Variants in DENND5B observed in about 807,000 individuals in gnomAD.
DENND5B encodes the protein DENN domain containing 5B, also known as DENN domain-containing protein 5B.
DENND5B carries 34 observed loss-of-function variants against 140.6 expected under a neutral mutation model. That is an observed-to-expected ratio of 0.24 (90% CI 0.18 to 0.32). The LOEUF is 0.32. Among genes scored for constraint, DENND5B ranks in the 10% least tolerant of loss-of-function variants. DENND5B has a pLI of 1.00. For missense variants in DENND5B, 1,142 were observed against 1,560.2 expected (o/e 0.73, Z 4.52); for synonymous variants, 551 against 562.1 (o/e 0.98, Z 0.28).
At chr12:31,510,813 C>G (rs1947381699) in intron 1 of DENND5B, among the ~76,000 whole-genome samples, 1 of 152,192 alleles carries the variant, frequency 6.6e-6, no homozygotes, top group Non-Finnish European at 1.5e-5. Flanking sequence ...AATTCCTTAA[C>G]AGCAGAACCT....
intron 1 of DENND5B, among the ~76,000 whole-genome samples, chr12:31,538,982 A>G (rs1278469981): frequency 6.6e-6 from 1 of 151,918 alleles, no homozygotes; most frequent in African/African-American, 2.4e-5. Context: ...GAAAAAAAAA[A>G]TTGACAAACT....
intron 2 of DENND5B, among the ~76,000 whole-genome samples, chr12:31,489,272 T>TCTCC (rs1359132881): frequency 6.6e-6 from 1 of 152,044 alleles, no homozygotes; most frequent in African/African-American, 2.4e-5. Flanking sequence ...TCTCAGAATG[T>TCTCC]CTCCCTCCCT....
At chr12:31,401,837 G>T (rs980323412) in intron 15 of DENND5B, among the ~76,000 whole-genome samples, 8 of 152,016 alleles carry the variant, frequency 5.3e-5, no homozygotes, top group Non-Finnish European at 1.2e-4. Context: ...GCCCAGGCTG[G>T]TCGTCTCAAA....
At position 31,442,260 on chromosome 12, in the gene DENND5B, T is replaced by C. The variant is rs74698695; in HGVS notation, c.2012+515A>G. ...GACAGGCTGTTGCTAAACTCTCTTA[T>C]GTTCTCCTAAAAGCTGGAAAAGGCA... On this transcript the variant is annotated intron_variant, in intron 7 of 20. Coordinates refer to ENST00000389082, the MANE Select transcript of DENND5B (RefSeq NM_144973.4). 3.3e-5 allele frequency among the ~76,000 whole-genome samples: 5 copies of C among 152,340 alleles called. No homozygotes were observed. In the East Asian group the frequency reaches 7.7e-4, roughly 24 times the overall value.
intron 3 of DENND5B, among the ~76,000 whole-genome samples, chr12:31,464,907 T>G (rs574864212): frequency 7.9e-5 from 12 of 152,326 alleles, no homozygotes; most frequent in African/African-American, 2.9e-4. Context: ...ATTCAACATA[T>G]GACCTACTAC....
chr12:31,559,376 G>T (rs957015990), intron 1 of DENND5B, among the ~76,000 whole-genome samples: 1 of 152,100 alleles, frequency 6.6e-6, no homozygotes, highest in Non-Finnish European at 1.5e-5. Context: ...CAAAGTATTG[G>T]CAAGGATGTT....
intron 2 of DENND5B, among the ~76,000 whole-genome samples, chr12:31,487,639 T>C (rs992417884): frequency 3.9e-5 from 6 of 152,016 alleles, no homozygotes; most frequent in African/African-American, 1.2e-4. Flanking sequence ...GAGGCAGAGG[T>C]TGCAGTGAGC....
chr12:31,479,560 G>C lies in DENND5B; in HGVS notation c.904+29C>G, dbSNP rs76524234. ...GTTGGGAGCAAAAGTACTTGTTTTT[G>C]GAAAATGTAAAATCCAAGGAAAACC... On this transcript the variant is annotated intron_variant, in intron 3 of 20. Transcript: ENST00000389082. 8.0e-4 allele frequency: 1,166 copies of C among 1,455,236 alleles called. 16 individuals are homozygous for C. The East Asian group carries it at 0.024, about 30-fold the overall frequency. 90.1% of individuals were successfully genotyped at this position (1,455,236 alleles called of 1,614,324 possible). A position where few individuals can be genotyped will look rare whatever the true frequency, so the allele number is the denominator to read the frequency against.
At chr12:31,509,384 G>A (rs1947324248) in intron 1 of DENND5B, among the ~76,000 whole-genome samples, 1 of 152,146 alleles carries the variant, frequency 6.6e-6, no homozygotes, top group Admixed American at 6.6e-5. Flanking sequence ...ACTTTGGGAG[G>A]CTGAGGCATT....
At chr12:31,558,441 TA>T (rs1453496608) in intron 1 of DENND5B, among the ~76,000 whole-genome samples, 2 of 152,214 alleles carry the variant, frequency 1.3e-5, no homozygotes, top group East Asian at 3.8e-4. Flanking sequence ...CAGAAACATG[TA>T]GACCTCCAGG....
chr12:31,483,740 T>G (rs1946173042), intron 2 of DENND5B, among the ~76,000 whole-genome samples: 1 of 151,992 alleles, frequency 6.6e-6, no homozygotes, highest in African/African-American at 2.4e-5. Context: ...GCCTGGACCA[T>G]CATTTTAATG....
At chr12:31,514,837 T>A (rs34467952) in intron 1 of DENND5B, among the ~76,000 whole-genome samples, 63,418 of 148,940 alleles carry the variant, frequency 0.43, 13,712 homozygotes, top group Admixed American at 0.58. Flanking sequence ...AAAAAAAAAA[T>A]TAAGATTTGT....
At chr12:31,429,015 G>A (rs962243776) in intron 8 of DENND5B, among the ~76,000 whole-genome samples, 1 of 151,978 alleles carries the variant, frequency 6.6e-6, no homozygotes, top group Non-Finnish European at 1.5e-5. Flanking sequence ...ACAGGTGTGA[G>A]CCACTGCACC....
At chr12:31,447,823 C>A in intron 5 of DENND5B, 54 bp from the exon 6 acceptor site, 1 of 1,196,998 alleles carries the variant, frequency 8.4e-7, no homozygotes. Flanking sequence ...CTCAACACTA[C>A]ATGATAAGCC....
chr12:31,588,974 A>G (rs1018168725), intron 1 of DENND5B, among the ~76,000 whole-genome samples: 3 of 152,206 alleles, frequency 2.0e-5, no homozygotes, highest in African/African-American at 7.2e-5. Flanking sequence ...GAGACATCAT[A>G]GTTTGTTTCT....
intron 1 of DENND5B, among the ~76,000 whole-genome samples, chr12:31,553,393 T>C (rs1428114379): frequency 6.6e-6 from 1 of 152,230 alleles, no homozygotes; most frequent in Non-Finnish European, 1.5e-5. Flanking sequence ...CTCTTAATCC[T>C]GAGTCCTAGT....
At chr12:31,525,864 G>A (rs1248318836) in intron 1 of DENND5B, among the ~76,000 whole-genome samples, 1 of 152,132 alleles carries the variant, frequency 6.6e-6, no homozygotes, top group African/African-American at 2.4e-5. Flanking sequence ...GTGGTAGCAA[G>A]TGCCTGTGGT....
intron 8 of DENND5B, chr12:31,426,729 T>C (rs1023672913): frequency 3.8e-6 from 1 of 260,394 alleles, no homozygotes; most frequent in East Asian, 1.0e-4. Flanking sequence ...GGTTGTGAAG[T>C]CAGGACTGTG....
intron 14 of DENND5B, among the ~76,000 whole-genome samples, chr12:31,408,558 T>C (rs1411804654): frequency 8.3e-6 from 1 of 120,254 alleles, no homozygotes; most frequent in African/African-American, 3.2e-5. Flanking sequence ...ACCCAGGAGG[T>C]GGAGGCTGCG....
Sources: allele counts gnomAD v4.1 joint callset (sites outside exome capture counted in the v4.1 genomes callset), GRCh38; gene constraint gnomAD v4.1.1; transcripts MANE v1.5; gene names NCBI Gene and HGNC (gene_info 2026-07-23, HGNC 2026-07-21).